The following ZNF500 variants were observed in gnomAD, a reference collection of about 807,000 sequenced individuals.
The protein encoded by ZNF500 is zinc finger protein with KRAB and SCAN domains 18.
In ZNF500, 31 loss-of-function variants were observed where a neutral mutation model predicts 30.1. The observed-to-expected ratio is 1.03, with a 90% CI of 0.77 to 1.39. The LOEUF (loss-of-function observed/expected upper bound fraction) is 1.39. Among genes scored for constraint, ZNF500 ranks in the 40% most tolerant of loss-of-function variants. The pLI, the probability that ZNF500 is intolerant of heterozygous loss-of-function variation, is 0.00. For missense variants in ZNF500, 817 were observed against 657.8 expected (o/e 1.24, Z -2.65); for synonymous variants, 392 against 282.0 (o/e 1.39, Z -3.91).
rs551797328 is a variant in ZNF500, at chr16:4,765,559, A to AC, written c.414+5dup. 2.7e-5 allele frequency: 42 copies of AC among 1,576,938 alleles called. No homozygotes were observed. The East Asian group carries it at 6.7e-4, about 25-fold the overall frequency. On this transcript the variant is annotated splice_donor_region_variant and intron_variant, in intron 2 of 5. Transcript: ENST00000219478. ...CTCACCTGAGGGTCAAAATGCCCCC[A>AC]CTCACCCGCTGCCTGTGTTTCCTGG...
At chr16:4,746,979 G>A, downstream of ZNF500, 1 of 1,550,794 alleles carries the variant, frequency 6.4e-7, no homozygotes, top group South Asian at 1.2e-5. Context: ...AGAGATGGCA[G>A]CTCTGGGAGA....
At chr16:4,756,245 G>C (rs1481817434) in intron 5 of ZNF500, 1 of 152,138 alleles carries the variant, frequency 6.6e-6, no homozygotes, top group African/African-American at 2.4e-5. Context: ...AAAAATATTG[G>C]GAGGCCGAGG....
At chr16:4,746,673 C>G, downstream of ZNF500, 1 of 1,069,680 alleles carries the variant, frequency 9.3e-7, no homozygotes, top group Non-Finnish European at 1.3e-6. Context: ...CCCCTGGGTC[C>G]CTGCAGGGAG....
Position 4,751,917 on chromosome 16 carries a change from A to T in ZNF500, c.*459T>A. On this transcript the variant is annotated 3_prime_UTR_variant, in exon 6 of 6. Coordinates refer to ENST00000219478, the MANE Select transcript of ZNF500 (RefSeq NM_021646.4). ...AGCAAGGCCCCGTCTCAAAAAAAAAAGGGGGGGGGAGCAGGTGGGGGGTAC... is the reference window on the plus strand; with the variant it reads ...AGCAAGGCCCCGTCTCAAAAAAAAATGGGGGGGGGAGCAGGTGGGGGGTAC... The T allele has an allele frequency of 9.1e-6, 2 of 218,950 alleles. No individual in the cohort carries two copies. Among genetic ancestry groups the T allele is most frequent in the East Asian group, 2.3e-4 (1 of 4,372 alleles). 13.6% of individuals were successfully genotyped at this position (218,950 alleles called of 1,614,324 possible). A position where few individuals can be genotyped will look rare whatever the true frequency, so the allele number is the denominator to read the frequency against.
intron 5 of ZNF500, among the ~76,000 whole-genome samples, chr16:4,753,727 G>C (rs1047469709): frequency 2.0e-5 from 3 of 152,224 alleles, no homozygotes; most frequent in African/African-American, 7.2e-5. Context: ...GGAGGGGGTT[G>C]TAAATGGCCT....
chr16:4,751,399 G>C lies in ZNF500; in HGVS notation c.*977C>G, dbSNP rs926488408. 2.1e-5 allele frequency: 13 copies of C among 616,480 alleles called. No individual in the cohort carries two copies. Among genetic ancestry groups the C allele is most frequent in the African/African-American group, 2.1e-4 (11 of 53,378 alleles). The allele number at this position is 616,480 out of a possible 1,614,324, so 38.2% of individuals were successfully genotyped here. A position where few individuals can be genotyped will look rare whatever the true frequency, so the allele number is the denominator to read the frequency against. On this transcript the variant is annotated 3_prime_UTR_variant, in exon 6 of 6. Coordinates refer to ENST00000219478, the MANE Select transcript of ZNF500 (RefSeq NM_021646.4). ...GGGCCCCGGCCCTGGGGAGATGTCAGGCCCGTCACATCCCAGGCAACATGT... is the reference window on the plus strand; with the variant it reads ...GGGCCCCGGCCCTGGGGAGATGTCACGCCCGTCACATCCCAGGCAACATGT...
At position 4,752,073 on chromosome 16, in the gene ZNF500, C is replaced by G; in HGVS notation, c.*303G>C. On this transcript the variant is annotated 3_prime_UTR_variant, in exon 6 of 6. Transcript: ENST00000219478. ...CCTCCCAGGCCCTTCAGGAGCCAGC[C>G]CCACGAACACCTTGAGTGTCGGCTT... 1 of 1,303,860 alleles carries G rather than the reference C, an allele frequency of 7.7e-7. No homozygotes were observed. The highest frequency in any genetic ancestry group is 9.7e-7 in the Non-Finnish European group (1 of 1,028,920). The allele number at this position is 1,303,860 out of a possible 1,614,324, so 80.8% of individuals were successfully genotyped here.
chr16:4,746,377 G>A (rs748519391), downstream of ZNF500: 60 of 1,610,654 alleles, frequency 3.7e-5, 2 homozygotes, highest in South Asian at 6.2e-4. Flanking sequence ...CATTTCAGAT[G>A]TGCCTCAAGG....
chr16:4,766,048 G>A lies in ZNF500; in HGVS notation c.-70C>T, dbSNP rs1283781998. ...CTGTCTCTCTCTATACCTCTGGCCA[G>A]ACACAGGAAGAGAGTTTTTTTCAGG... On this transcript the variant is annotated 5_prime_UTR_variant, in exon 2 of 6. Coordinates refer to ENST00000219478, the MANE Select transcript of ZNF500 (RefSeq NM_021646.4). 1.3e-6 allele frequency: 2 copies of A among 1,483,560 alleles called. No individual in the cohort carries two copies. The highest frequency in any genetic ancestry group is 2.3e-5 in the Admixed American group (1 of 42,870). The allele number at this position is 1,483,560 out of a possible 1,614,324, so 91.9% of individuals were successfully genotyped here.
At chr16:4,765,158 AGGTGTAGTG>A (rs1434255265) in intron 2 of ZNF500, among the ~76,000 whole-genome samples, 2 of 151,976 alleles carry the variant, frequency 1.3e-5, no homozygotes, top group Non-Finnish European at 2.9e-5. Flanking sequence ...CAAAATTAGC[AGGTGTAGTG>A]GTGCATGCCT....
downstream of ZNF500, chr16:4,746,356 C>T (rs758496416): frequency 2.5e-6 from 4 of 1,605,526 alleles, no homozygotes; most frequent in South Asian, 1.1e-5. Flanking sequence ...CTCCACAACA[C>T]CTGCTTTTCT....
At chr16:4,747,253 G>A (rs1001688242), downstream of ZNF500, 1 of 1,435,626 alleles carries the variant, frequency 7.0e-7, no homozygotes. Context: ...ATGGGAGCTG[G>A]GCTCATCTGC....
At chr16:4,765,059 G>C (rs912984573) in intron 2 of ZNF500, among the ~76,000 whole-genome samples, 2 of 152,120 alleles carry the variant, frequency 1.3e-5, no homozygotes, top group African/African-American at 4.8e-5. Flanking sequence ...CCAGCACTTC[G>C]GGAGGCCAAG....
Position 4,762,651 on chromosome 16 carries a change from C to T in ZNF500, c.520G>A (p.Ala174Thr). The change falls in exon 3 of 6, where the codon GCT becomes ACT. Residue 174 changes from alanine (A) to threonine (T), a missense_variant. By Grantham distance (58) the Ala-to-Thr change is moderately conservative. Coordinates refer to ENST00000219478, the MANE Select transcript of ZNF500 (RefSeq NM_021646.4). ...GGGGGCTGCTGGCTGGAGAATCGAGCCTCTTCCTCCAGGGACAGATCCTCT... is the reference window on the plus strand; with the variant it reads ...GGGGGCTGCTGGCTGGAGAATCGAGTCTCTTCCTCCAGGGACAGATCCTCT... ...QPEDLSLEEE[A>T]RFSSQQPPAQ... 1 of 1,614,124 alleles carries T rather than the reference C, an allele frequency of 6.2e-7. No homozygotes were observed. Among genetic ancestry groups the T allele is most frequent in the Non-Finnish European group, 8.5e-7 (1 of 1,180,002 alleles).
At position 4,748,523 on chromosome 16, in the gene ZNF500, A is replaced by C. The variant is rs2082047623; in HGVS notation, c.*3853T>G. The C allele has an allele frequency of 6.6e-6, 1 of 152,266 alleles. No individual in the cohort carries two copies. The highest frequency in any genetic ancestry group is 2.4e-5 in the African/African-American group (1 of 41,448). The allele number at this position is 152,266 out of a possible 1,614,324, so 9.4% of individuals were successfully genotyped here. On this transcript the variant is annotated 3_prime_UTR_variant, in exon 6 of 6. Coordinates refer to ENST00000219478, the MANE Select transcript of ZNF500 (RefSeq NM_021646.4). ...CTGTGTAGAATGGAGCAGCGGCCTC[A>C]CTTGTTGATCACCAGCAAAAACTGG...
intron 1 of ZNF500, among the ~76,000 whole-genome samples, chr16:4,766,716 C>G (rs186537528): frequency 6.6e-6 from 1 of 152,202 alleles, no homozygotes; most frequent in African/African-American, 2.4e-5. Flanking sequence ...CTTTGGAAAT[C>G]TGATGAAAAG....
Position 4,752,412 on chromosome 16 carries a change from C to G in ZNF500, c.1407G>C (p.Gln469His). The G allele has an allele frequency of 2.0e-6, 3 of 1,523,590 alleles. No individual in the cohort carries two copies. Among genetic ancestry groups the G allele is most frequent in the Non-Finnish European group, 2.6e-6 (3 of 1,138,622 alleles). 94.4% of individuals were successfully genotyped at this position (1,523,590 alleles called of 1,614,324 possible). Reference sequence around the variant, plus strand: ...CACCGGGGCCTCCAGGAGCCACCGGCTGGAGCGTCGGCAAGGAGCCTGCCC... The same window carrying G: ...CACCGGGGCCTCCAGGAGCCACCGGGTGGAGCGTCGGCAAGGAGCCTGCCC... ...HMGAGSLPTL[Q>H]PVAPGGPGAK... Residue 469 changes from glutamine (Q) to histidine (H), a missense_variant, in exon 6 of 6, where the codon CAG (glutamine) becomes CAC (histidine). Physicochemically the swap from Gln to His is conservative, Grantham distance 24. Coordinates refer to ENST00000219478, the MANE Select transcript of ZNF500 (RefSeq NM_021646.4).
In ZNF500 at chr16:4,750,321, TA is replaced by T. The variant is rs918407135; in HGVS notation, c.*2054del. On this transcript the variant is annotated 3_prime_UTR_variant, in exon 6 of 6. Transcript: ENST00000219478. Reference sequence around the variant, plus strand: ...CACACAGGGGCCAGAAGCAATGACTTAAAAAAAAAATTGTTTATTTTATCTG... The same window carrying T: ...CACACAGGGGCCAGAAGCAATGACTTAAAAAAAAATTGTTTATTTTATCTG... The T allele has an allele frequency of 8.6e-5, 13 of 150,430 alleles. No individual in the cohort carries two copies. Among genetic ancestry groups the T allele is most frequent in the African/African-American group, 1.5e-4 (6 of 40,942 alleles). The allele number at this position is 150,430 out of a possible 1,614,324, so 9.3% of individuals were successfully genotyped here.
chr16:4,764,662 G>A (rs971097384), intron 2 of ZNF500, among the ~76,000 whole-genome samples: 2 of 151,470 alleles, frequency 1.3e-5, no homozygotes, highest in African/African-American at 4.9e-5. Flanking sequence ...GGCGCCTGTA[G>A]TCCCAGCTGC....
Sources: gnomAD v4.1 joint callset for allele counts (sites outside exome capture counted in the v4.1 genomes callset) on GRCh38, gnomAD v4.1.1 for gene constraint, MANE v1.5 for transcripts, NCBI Gene and HGNC (gene_info 2026-07-23, HGNC 2026-07-21) for gene names.